The following PTPRA variants were observed in gnomAD, a reference collection of about 807,000 sequenced individuals.
The protein encoded by PTPRA is protein tyrosine phosphatase receptor type A, also known as receptor-type tyrosine-protein phosphatase alpha.
Under a neutral mutation model 104.8 loss-of-function variants are expected in PTPRA, and 25 were observed. That is an observed-to-expected ratio of 0.24 (90% CI 0.17 to 0.33). The LOEUF is 0.33. Among genes scored for constraint, PTPRA ranks in the 10% least tolerant of loss-of-function variants. PTPRA has a pLI of 1.00. For synonymous variants in PTPRA, 323 were observed against 368.9 expected, an observed-to-expected ratio of 0.88 and a Z score of 1.43; for missense variants, 765 against 1,015.3, an observed-to-expected ratio of 0.75 and a Z score of 3.35.
At chr20:2,991,256 GTCT>G (rs2063161335) in intron 9 of PTPRA, among the ~76,000 whole-genome samples, 1 of 151,872 alleles carries the variant, frequency 6.6e-6, no homozygotes, top group Non-Finnish European at 1.5e-5. Flanking sequence ...CTACTTGGAA[GTCT>G]GAGGCTGAGG....
chr20:2,915,686 C>G (rs1003145045), intron 1 of PTPRA, among the ~76,000 whole-genome samples: 1 of 152,120 alleles, frequency 6.6e-6, no homozygotes, highest in African/African-American at 2.4e-5. Flanking sequence ...ATGTTTTCTT[C>G]TAAGAATTTT....
At chr20:2,909,831 TAATA>T (rs1246492375) in intron 1 of PTPRA, among the ~76,000 whole-genome samples, 2 of 122,246 alleles carry the variant, frequency 1.6e-5, no homozygotes, top group Admixed American at 1.0e-4. Flanking sequence ...ATATATTAGA[TAATA>T]TATATAATAT....
chr20:2,964,335 A>G lies in PTPRA; in HGVS notation c.58A>G (p.Asn20Asp). 6.2e-7 allele frequency: 1 copy of G among 1,603,092 alleles called. No individual in the cohort carries two copies. Among genetic ancestry groups the G allele is most frequent in the Non-Finnish European group, 8.5e-7 (1 of 1,175,560 alleles). The change falls in exon 4 of 24, where the codon AAC becomes GAC. Residue 20 changes from asparagine (N) to aspartate (D), a missense_variant. Transcript: ENST00000399903. ...LGSGLICVSA[N>D]NATTVAPSVG... ...CAGTGGTCTGATATGTGTCAGTGCC[A>G]ACAATGCTACCACAGGTAAATTGTC...
At chr20:2,904,396 C>T (rs763938158) in intron 1 of PTPRA, among the ~76,000 whole-genome samples, 10 of 151,866 alleles carry the variant, frequency 6.6e-5, no homozygotes, top group Non-Finnish European at 1.3e-4. Flanking sequence ...GCTGGCCAGG[C>T]GCGGTGGCTC....
At chr20:2,932,589 A>G (rs1277316203) in intron 2 of PTPRA, among the ~76,000 whole-genome samples, 4 of 152,222 alleles carry the variant, frequency 2.6e-5, no homozygotes, top group Non-Finnish European at 4.4e-5. Flanking sequence ...CTAGTCTAAA[A>G]AGGGAGAATA....
At chr20:2,963,708 T>C (rs990635689) in intron 3 of PTPRA, among the ~76,000 whole-genome samples, 18 of 152,248 alleles carry the variant, frequency 1.2e-4, no homozygotes, top group Non-Finnish European at 2.2e-4. Flanking sequence ...GACATGATGC[T>C]CAAAAAAATG....
intron 1 of PTPRA, among the ~76,000 whole-genome samples, chr20:2,899,976 A>G (rs1291360904): frequency 1.3e-5 from 2 of 152,090 alleles, no homozygotes; most frequent in African/African-American, 4.8e-5. Flanking sequence ...GTGTTGTAGT[A>G]GTGGTCGCCT....
intron 13 of PTPRA, among the ~76,000 whole-genome samples, chr20:3,018,509 C>T (rs2064592933): frequency 6.6e-6 from 1 of 151,744 alleles, no homozygotes; most frequent in South Asian, 2.1e-4. Flanking sequence ...TGAGTGGATA[C>T]AGCACATGTT....
At chr20:2,868,971 G>C (rs774262123), upstream of PTPRA, among the ~76,000 whole-genome samples, 1 of 152,212 alleles carries the variant, frequency 6.6e-6, no homozygotes, top group Non-Finnish European at 1.5e-5. Context: ...TATAAAAGGT[G>C]TGTGTGCATG....
intron 1 of PTPRA, among the ~76,000 whole-genome samples, chr20:2,896,022 A>T (rs2058984380): frequency 6.6e-6 from 1 of 152,092 alleles, no homozygotes; most frequent in Admixed American, 6.6e-5. Flanking sequence ...ATTTTCAAAT[A>T]GGTTTTTTCT....
chr20:3,000,882 A>C (rs2063595940), intron 9 of PTPRA, among the ~76,000 whole-genome samples: 2 of 152,242 alleles, frequency 1.3e-5, no homozygotes, highest in Admixed American at 1.3e-4. Flanking sequence ...ATAAAACTTC[A>C]GGTTTACCAG....
Position 3,037,996 on chromosome 20 carries a change from G to A in PTPRA, c.2335-63G>A, listed in dbSNP as rs2065887447. 7.4e-7 allele frequency: 1 copy of A among 1,360,148 alleles called. No homozygotes were observed. Among genetic ancestry groups the A allele is most frequent in the African/African-American group, 1.5e-5 (1 of 68,486 alleles). The allele number at this position is 1,360,148 out of a possible 1,614,324, so 84.3% of individuals were successfully genotyped here. On this transcript the variant is annotated intron_variant, in intron 23 of 23. Transcript: ENST00000399903. This position sits in a 1 kb window ranked among gnomAD's most constrained non-coding sequence, Gnocchi z 4.3. The stretch of plus-strand genomic sequence containing the variant: ...CTTCAACAAAAAAATGAGTCTGTTA[G>A]GAATTACAGGTACTGTGTGTTCTTC...
At chr20:3,027,291 C>A in intron 19 of PTPRA, 94 bp downstream of exon 19, 1 of 1,284,214 alleles carries the variant, frequency 7.8e-7, no homozygotes, top group Non-Finnish European at 1.1e-6. Context: ...TGGGGAGGAT[C>A]ATGTTTGAAT....
At chr20:2,889,099 G>T (rs1202409514) in intron 1 of PTPRA, among the ~76,000 whole-genome samples, 1 of 152,114 alleles carries the variant, frequency 6.6e-6, no homozygotes, top group Non-Finnish European at 1.5e-5. Context: ...TTTTTGATGT[G>T]GGAAAAGGGC....
chr20:2,921,322 CTTTTTTTTTTT>C (rs11477373), intron 1 of PTPRA, among the ~76,000 whole-genome samples: 1 of 103,958 alleles, frequency 9.6e-6, no homozygotes, highest in African/African-American at 3.7e-5. Context: ...TGGGAATGCG[CTTTTTTTTTTT>C]TTTTTTTTTG....
intron 6 of PTPRA, 136 bp from the exon 7 acceptor site, chr20:2,986,626 TTTC>T (rs1357098517): frequency 1.3e-6 from 1 of 747,880 alleles, no homozygotes; most frequent in Non-Finnish European, 2.3e-6. Context: ...ACACTCATAC[TTTC>T]TTCTCTGTTT....
At chr20:2,967,298 C>G (rs2061981158) in intron 5 of PTPRA, among the ~76,000 whole-genome samples, 1 of 152,142 alleles carries the variant, frequency 6.6e-6, no homozygotes, top group Admixed American at 6.5e-5. Context: ...GACTATGTTT[C>G]TCTAGTGGCG....
At chr20:2,928,215 A>G (rs932046861) in intron 2 of PTPRA, among the ~76,000 whole-genome samples, 3 of 152,038 alleles carry the variant, frequency 2.0e-5, no homozygotes, top group Non-Finnish European at 4.4e-5. Context: ...GGCTCACTGC[A>G]AGCTTCGCCT....
intron 1 of PTPRA, among the ~76,000 whole-genome samples, chr20:2,909,964 A>G (rs2059587318): frequency 8.9e-6 from 1 of 112,560 alleles, no homozygotes; most frequent in South Asian, 2.4e-4. Flanking sequence ...ATAATATATG[A>G]TATATATATA....
Sources: gnomAD v4.1 joint callset for allele counts (sites outside exome capture counted in the v4.1 genomes callset) on GRCh38, gnomAD v4.1.1 for gene constraint, Gnocchi (gnomAD v3.1) non-coding constraint, MANE v1.5 for transcripts, NCBI Gene and HGNC (gene_info 2026-07-23, HGNC 2026-07-21) for gene names.